CTCF: variants seen among roughly 807,000 people sequenced by gnomAD.
The protein encoded by CTCF is transcriptional repressor CTCF.
CTCF carries 7 observed loss-of-function variants against 72.3 expected under a neutral mutation model. The ratio of observed to expected loss-of-function variants is 0.10; its 90% CI spans 0.06 to 0.18. CTCF has a LOEUF of 0.18. Among genes scored for constraint, CTCF ranks in the 10% least tolerant of loss-of-function variants. CTCF has a pLI of 1.00. For synonymous variants in CTCF, 374 were observed against 315.8 expected (o/e 1.18, Z -1.95); for missense variants, 516 against 949.1 (o/e 0.54, Z 6.00).
intron 2 of CTCF, among the ~76,000 whole-genome samples, chr16:67,582,699 ATAAAT>A (rs760943001): frequency 1.8e-4 from 28 of 152,284 alleles, no homozygotes; most frequent in Middle Eastern, 3.4e-3. Context: ...TGTCAAAAAA[ATAAAT>A]TAAATAAAAT....
intron 2 of CTCF, among the ~76,000 whole-genome samples, chr16:67,585,002 G>A (rs182957663): frequency 2.6e-5 from 4 of 152,252 alleles, no homozygotes; most frequent in East Asian, 1.9e-4. Flanking sequence ...TGTAGAGGCT[G>A]TACATTAATT....
At chr16:67,588,178 C>T (rs764186069) in intron 2 of CTCF, among the ~76,000 whole-genome samples, 18 of 152,144 alleles carry the variant, frequency 1.2e-4, no homozygotes, top group Non-Finnish European at 2.1e-4. Flanking sequence ...TTTTTTAAAG[C>T]TCACCAGAAT....
chr16:67,582,906 C>T (rs118187571), intron 2 of CTCF, among the ~76,000 whole-genome samples: 1,818 of 151,584 alleles, frequency 0.012, 23 homozygotes, highest in Non-Finnish European at 0.018. Flanking sequence ...TATCCTATCA[C>T]GTATATAGCT....
chr16:67,615,663 A>G (rs930343587), intron 4 of CTCF: 3 of 152,194 alleles, frequency 2.0e-5, no homozygotes, highest in African/African-American at 4.8e-5. Context: ...TTCTCTTGTT[A>G]ATTGTTTTAC....
intron 2 of CTCF, among the ~76,000 whole-genome samples, chr16:67,575,076 G>GA (rs1420117822): frequency 4.0e-5 from 6 of 150,928 alleles, no homozygotes; most frequent in Non-Finnish European, 7.4e-5. Context: ...GTGGATAGAG[G>GA]AAAAAAAAAG....
intron 2 of CTCF, among the ~76,000 whole-genome samples, chr16:67,573,884 A>T (rs937649465): frequency 1.3e-5 from 2 of 152,058 alleles, no homozygotes; most frequent in East Asian, 1.9e-4. Flanking sequence ...TACAAAATTT[A>T]GCCGGGCGTT....
chr16:67,581,053 C>T (rs1235902440), intron 2 of CTCF, among the ~76,000 whole-genome samples: 11 of 152,046 alleles, frequency 7.2e-5, no homozygotes, highest in South Asian at 2.1e-4. Context: ...CTCAGCCTCC[C>T]GAGAAGCTGG....
At chr16:67,608,380 G>A (rs1185786285) in intron 2 of CTCF, among the ~76,000 whole-genome samples, 1 of 152,070 alleles carries the variant, frequency 6.6e-6, no homozygotes, top group Non-Finnish European at 1.5e-5. Flanking sequence ...TATTCTCAGG[G>A]AATTCCTGAT....
At position 67,587,736 on chromosome 16, in the gene CTCF, T is replaced by TGAC. The variant is rs1471032300; in HGVS notation, c.-10+16473_-10+16475dup. ...CCCAGGAGTTCAGGACCTGCCTGGG[T>TGAC]GACATAGCAAGACCCCATTCTCCAC... On this transcript the variant is annotated intron_variant, in intron 2 of 11. Transcript: ENST00000264010. Among the ~76,000 whole-genome samples the TGAC allele has an allele frequency of 5.3e-5, 8 of 151,970 alleles. No individual in the cohort carries two copies. The East Asian group carries it at 9.7e-4, about 18-fold the overall frequency.
intron 10 of CTCF, 119 bp from the exon 11 acceptor site, chr16:67,636,571 A>G (rs995735503): frequency 6.4e-4 from 120 of 186,462 alleles, no homozygotes; most frequent in Middle Eastern, 5.4e-3. Context: ...AAGAAAGTGT[A>G]TATATATATA....
At chr16:67,580,398 C>G (rs1011625915) in intron 2 of CTCF, among the ~76,000 whole-genome samples, 19 of 151,900 alleles carry the variant, frequency 1.3e-4, no homozygotes, top group Non-Finnish European at 2.1e-4. Context: ...AAGATGGGGT[C>G]TTACTGTGTT....
At chr16:67,591,340 A>G (rs1046297625) in intron 2 of CTCF, among the ~76,000 whole-genome samples, 1 of 152,152 alleles carries the variant, frequency 6.6e-6, no homozygotes, top group African/African-American at 2.4e-5. Flanking sequence ...TACAGTTGTG[A>G]TTAAATAGAT....
At chr16:67,609,325 T>A (rs1597711856) in intron 2 of CTCF, among the ~76,000 whole-genome samples, 1 of 152,340 alleles carries the variant, frequency 6.6e-6, no homozygotes, top group Admixed American at 6.5e-5. Context: ...GTAATATTCA[T>A]GTTGTATAAT....
intron 4 of CTCF, 132 bp downstream of exon 4, chr16:67,612,253 A>T: frequency 1.3e-6 from 1 of 795,576 alleles, no homozygotes; most frequent in African/African-American, 1.8e-5. Context: ...TTTTGTAATC[A>T]TGATTTTATT....
chr16:67,613,602 G>A (rs749703039), intron 4 of CTCF, among the ~76,000 whole-genome samples: 1 of 151,928 alleles, frequency 6.6e-6, no homozygotes, highest in Non-Finnish European at 1.5e-5. Flanking sequence ...TGGCAAAACC[G>A]CCTCTGTACT....
At position 67,562,608 on chromosome 16, in the gene CTCF, TGGCGGCAGC is replaced by T. The variant is rs1265021018; in HGVS notation, c.-236_-228del. 3 of 152,726 alleles carry T rather than the reference TGGCGGCAGC, an allele frequency of 2.0e-5. No individual in the cohort carries two copies. The highest frequency in any genetic ancestry group is 2.9e-5 in the Non-Finnish European group (2 of 68,270). 9.5% of individuals were successfully genotyped at this position (152,726 alleles called of 1,614,324 possible). On this transcript the variant is annotated 5_prime_UTR_variant, in exon 1 of 12. Coordinates refer to ENST00000264010, the MANE Select transcript of CTCF (RefSeq NM_006565.4). ...TAAACCGTGCGCGGAGCTGCTTCTT[TGGCGGCAGC>T]GGCGGCGGCGGTGGCCGGTGCGGAC...
intron 2 of CTCF, among the ~76,000 whole-genome samples, chr16:67,581,031 C>T (rs188556850): frequency 6.6e-6 from 1 of 151,990 alleles, no homozygotes; most frequent in Non-Finnish European, 1.5e-5. Context: ...CGGGTTCACG[C>T]CATTCTCCTG....
intron 10 of CTCF, among the ~76,000 whole-genome samples, chr16:67,629,908 GT>G (rs1295541297): frequency 1.3e-5 from 2 of 150,684 alleles, no homozygotes; most frequent in African/African-American, 2.4e-5. Context: ...CCGAGTAGCT[GT>G]GACTACAGGC....
chr16:67,585,012 TG>T (rs1306370781), intron 2 of CTCF, among the ~76,000 whole-genome samples: 1 of 152,218 alleles, frequency 6.6e-6, no homozygotes, highest in Non-Finnish European at 1.5e-5. Flanking sequence ...GTACATTAAT[TG>T]CTCTTGGGTG....
Sources: allele counts gnomAD v4.1 joint callset (sites outside exome capture counted in the v4.1 genomes callset), GRCh38; gene constraint gnomAD v4.1.1; transcripts MANE v1.5; gene names NCBI Gene and HGNC (gene_info 2026-07-23, HGNC 2026-07-21).